The following WDR70 variants were observed in gnomAD, a reference collection of about 807,000 sequenced individuals.
The protein encoded by WDR70 is WD repeat-containing protein 70.
Under a neutral mutation model 88.6 loss-of-function variants are expected in WDR70, and 53 were observed. The observed-to-expected ratio is 0.60, with a 90% confidence interval of 0.48 to 0.75. The LOEUF (loss-of-function observed/expected upper bound fraction) is 0.75. Ranked by LOEUF, WDR70 falls within the 30% of genes least tolerant of loss-of-function variation. The pLI, the probability that WDR70 is intolerant of heterozygous loss-of-function variation, is 0.00. For synonymous variants in WDR70, 280 were observed against 270.0 expected, an observed-to-expected ratio of 1.04 and a Z score of -0.36; for missense variants, 610 against 823.2, an observed-to-expected ratio of 0.74 and a Z score of 3.17.
chr5:37,607,590 C>T (rs1210740581), intron 10 of WDR70, among the ~76,000 whole-genome samples: 1 of 152,162 alleles, frequency 6.6e-6, no homozygotes, highest in African/African-American at 2.4e-5. Flanking sequence ...CCACTAGCCA[C>T]ATTTGACTAT....
intron 8 of WDR70, among the ~76,000 whole-genome samples, chr5:37,499,157 A>G (rs1740320285): frequency 6.6e-6 from 1 of 150,704 alleles, no homozygotes; most frequent in South Asian, 2.1e-4. Flanking sequence ...TGTCTCACCC[A>G]GGCTGGAGTA....
intron 3 of WDR70, among the ~76,000 whole-genome samples, chr5:37,384,146 C>G (rs889229218): frequency 4.0e-5 from 6 of 149,814 alleles, no homozygotes; most frequent in African/African-American, 1.5e-4. Flanking sequence ...TTCCTATCCT[C>G]TAGCACTCCT....
chr5:37,699,398 T>TACACACACACACACAC lies in WDR70; in HGVS notation c.1192+1645_1192+1646insCACACACACACACACA, dbSNP rs780835202. 9.5e-3 allele frequency among the ~76,000 whole-genome samples: 702 copies of TACACACACACACACAC among 74,114 alleles called. 5 individuals are homozygous for TACACACACACACACAC. The highest frequency in any genetic ancestry group is 0.028 in the Middle Eastern group (3 of 106). The allele number at this position is 74,114 out of a possible 152,430, so 48.6% of individuals were successfully genotyped here. ...GTATATATATGTATGTGTGTATATA[T>TACACACACACACACAC]ATATACACACACACACACACACACA... On this transcript the variant is annotated intron_variant, in intron 11 of 17. Coordinates refer to ENST00000265107, the MANE Select transcript of WDR70 (RefSeq NM_018034.4).
chr5:37,711,865 A>G (rs1358155372), intron 13 of WDR70, among the ~76,000 whole-genome samples: 2 of 151,706 alleles, frequency 1.3e-5, no homozygotes, highest in Admixed American at 1.3e-4. Context: ...ATTACATTTT[A>G]TTCTATTATA....
intron 7 of WDR70, 63 bp from the exon 8 acceptor site, chr5:37,479,771 A>T: frequency 6.6e-7 from 1 of 1,510,790 alleles, no homozygotes; most frequent in South Asian, 1.3e-5. Flanking sequence ...GCAATACTTA[A>T]TGTAGTAAAA....
At chr5:37,384,173 C>CTTTTTTTTTTTTTT (rs57075180) in intron 3 of WDR70, among the ~76,000 whole-genome samples, 1 of 107,870 alleles carries the variant, frequency 9.3e-6, no homozygotes. Flanking sequence ...ACTTTCCCCC[C>CTTTTTTTTTTTTTT]TTTTTTTTTT....
chr5:37,601,695 C>G (rs1228163194), intron 9 of WDR70, among the ~76,000 whole-genome samples: 1 of 151,980 alleles, frequency 6.6e-6, no homozygotes, highest in East Asian at 1.9e-4. Flanking sequence ...ATTCATTCTC[C>G]TTACTTGTTA....
chr5:37,556,786 T>C (rs1234886249), intron 9 of WDR70, among the ~76,000 whole-genome samples: 1 of 152,178 alleles, frequency 6.6e-6, no homozygotes, highest in African/African-American at 2.4e-5. Flanking sequence ...ATGTCATGTG[T>C]CAATTAGGGA....
intron 9 of WDR70, among the ~76,000 whole-genome samples, chr5:37,532,107 G>A (rs1364931181): frequency 6.6e-6 from 1 of 152,076 alleles, no homozygotes; most frequent in Non-Finnish European, 1.5e-5. Flanking sequence ...CTAGCTTGAG[G>A]GATTTCTGCT....
In WDR70 at chr5:37,466,703, C is replaced by T. The variant is rs1209623190; in HGVS notation, c.687-13131C>T. Among the ~76,000 whole-genome samples, 5 of 44,652 alleles carry T rather than the reference C, an allele frequency of 1.1e-4. No homozygotes were observed. The Admixed American group carries it at 1.5e-3, about 14-fold the overall frequency. The allele number at this position is 44,652 out of a possible 152,430, so 29.3% of individuals were successfully genotyped here. On this transcript the variant is annotated intron_variant, in intron 7 of 17. Transcript: ENST00000265107. ...CCTGGGCGACAGAGCGAGACTCCAT[C>T]TCAAAAAAAAAAAAAAAAAAAAAAA...
intron 10 of WDR70, among the ~76,000 whole-genome samples, chr5:37,609,376 T>C (rs551299327): frequency 6.6e-6 from 1 of 152,374 alleles, no homozygotes; most frequent in South Asian, 2.1e-4. Flanking sequence ...ATCAGATTTA[T>C]TCTTTGACTT....
intron 10 of WDR70, among the ~76,000 whole-genome samples, chr5:37,652,731 GCT>G (rs749786147): frequency 6.6e-6 from 1 of 152,066 alleles, no homozygotes; most frequent in Non-Finnish European, 1.5e-5. Flanking sequence ...TCATGATTTG[GCT>G]CTCTGTTTGT....
chr5:37,390,262 A>G (rs1748770572), intron 3 of WDR70, among the ~76,000 whole-genome samples: 1 of 151,086 alleles, frequency 6.6e-6, no homozygotes, highest in East Asian at 1.9e-4. Flanking sequence ...TTTTTTAAAT[A>G]TAGTGAAAGC....
intron 8 of WDR70, among the ~76,000 whole-genome samples, chr5:37,492,940 T>C (rs1273979328): frequency 6.6e-6 from 1 of 152,186 alleles, no homozygotes; most frequent in African/African-American, 2.4e-5. Context: ...GAGTATTCAG[T>C]CACACTGGAC....
chr5:37,745,497 G>C (rs1035901353), intron 17 of WDR70, among the ~76,000 whole-genome samples: 7 of 151,850 alleles, frequency 4.6e-5, no homozygotes, highest in African/African-American at 1.7e-4. Context: ...TGGATAAGGA[G>C]TTAAGACCCA....
At chr5:37,566,400 T>G (rs895877938) in intron 9 of WDR70, among the ~76,000 whole-genome samples, 7 of 152,154 alleles carry the variant, frequency 4.6e-5, no homozygotes, top group Admixed American at 2.0e-4. Flanking sequence ...ATCTACCTCT[T>G]GTTTTTGTTT....
At chr5:37,585,745 G>C (rs1022511642) in intron 9 of WDR70, among the ~76,000 whole-genome samples, 1 of 152,106 alleles carries the variant, frequency 6.6e-6, no homozygotes. Flanking sequence ...TGTTACTGGA[G>C]CGTCAGTCTA....
chr5:37,455,636 CTTT>C (rs59254502), intron 7 of WDR70, among the ~76,000 whole-genome samples: 33 of 70,446 alleles, frequency 4.7e-4, no homozygotes, highest in East Asian at 2.6e-3. Flanking sequence ...TTCTCTTTAT[CTTT>C]TTTTTTTTTT....
chr5:37,750,415 A>C (rs72745106), intron 17 of WDR70, among the ~76,000 whole-genome samples: 4,447 of 152,298 alleles, frequency 0.029, 92 homozygotes, highest in Middle Eastern at 0.11. Context: ...GCACATCTGC[A>C]GTCCTAGCTA....
Sources: allele counts gnomAD v4.1 joint callset (sites outside exome capture counted in the v4.1 genomes callset), GRCh38; gene constraint gnomAD v4.1.1; transcripts MANE v1.5; gene names NCBI Gene and HGNC (gene_info 2026-07-23, HGNC 2026-07-21).